Variants in SLC9C1 observed in about 807,000 individuals in gnomAD.
SLC9C1 encodes sodium/hydrogen exchanger 10.
SLC9C1 carries 97 observed loss-of-function variants against 140.9 expected under a neutral mutation model. The ratio of observed to expected loss-of-function variants is 0.69; its 90% CI spans 0.58 to 0.82. The LOEUF is 0.82. Ranked by LOEUF, SLC9C1 falls within the 40% of genes least tolerant of loss-of-function variation. The probability of loss-of-function intolerance (pLI) is 0.00; values close to 1 mark genes in which losing one functional copy is unlikely to be tolerated. For missense variants in SLC9C1, 1,340 were observed against 1,389.3 expected, an observed-to-expected ratio of 0.96 and a Z score of 0.56; for synonymous variants, 440 against 442.6, an observed-to-expected ratio of 0.99 and a Z score of 0.07.
At chr3:112,292,835 G>A (rs931515327) in intron 1 of SLC9C1, among the ~76,000 whole-genome samples, 4 of 151,402 alleles carry the variant, frequency 2.6e-5, no homozygotes, top group African/African-American at 9.7e-5. Flanking sequence ...GAGCCACCAC[G>A]CCCGGCCACA....
At chr3:112,268,793 T>C (rs2108310352) in intron 7 of SLC9C1, among the ~76,000 whole-genome samples, 1 of 152,352 alleles carries the variant, frequency 6.6e-6, no homozygotes, top group African/African-American at 2.4e-5. Context: ...ATATACACCA[T>C]TGTCTTATTC....
intron 2 of SLC9C1, among the ~76,000 whole-genome samples, chr3:112,285,073 G>A (rs552092054): frequency 8.4e-4 from 114 of 134,934 alleles, no homozygotes; most frequent in African/African-American, 3.1e-3. Context: ...TGCAAGCTCC[G>A]CCTCCTGGGT....
At chr3:112,213,599 A>G (rs1471783510) in intron 15 of SLC9C1, among the ~76,000 whole-genome samples, 2 of 152,210 alleles carry the variant, frequency 1.3e-5, no homozygotes. Flanking sequence ...GAAGATCAAA[A>G]GAGACAAAGA....
In SLC9C1 at chr3:112,218,682, A is replaced by C. The variant is rs1179709284; in HGVS notation, c.1671-1121T>G. Among the ~76,000 whole-genome samples, 3 of 152,214 alleles carry C rather than the reference A, an allele frequency of 2.0e-5. No individual in the cohort carries two copies. In the East Asian group the frequency reaches 5.8e-4, roughly 29 times the overall value. On this transcript the variant is annotated intron_variant, in intron 14 of 28. Transcript: ENST00000305815. ...AGGCTGCAGCAGACTAGTGGGATGA[A>C]ACATATAAATACCAATTGCAGTAAA... is the stretch of plus-strand genomic sequence containing the variant.
chr3:112,213,824 C>A (rs150533276), intron 15 of SLC9C1, among the ~76,000 whole-genome samples: 165 of 152,234 alleles, frequency 1.1e-3, no homozygotes, highest in African/African-American at 3.9e-3. Context: ...ACAAGGATAT[C>A]CAGGAATTGA....
intron 13 of SLC9C1, among the ~76,000 whole-genome samples, chr3:112,227,832 A>T (rs937105752): frequency 1.3e-5 from 2 of 152,164 alleles, no homozygotes; most frequent in African/African-American, 2.4e-5. Context: ...GCTACCAAAA[A>T]TACATAAGAA....
intron 21 of SLC9C1, 22 bp from the exon 22 acceptor site, chr3:112,180,684 A>T (rs745594802): frequency 4.6e-6 from 7 of 1,535,888 alleles, no homozygotes; most frequent in Non-Finnish European, 6.3e-6. Context: ...CACCAAATAC[A>T]TAAACTATAA....
At chr3:112,147,613 G>T in intron 28 of SLC9C1, 1 of 321,920 alleles carries the variant, frequency 3.1e-6, no homozygotes, top group African/African-American at 2.2e-5. Context: ...TAGATCCCCA[G>T]TCTCTCCTGG....
At chr3:112,228,114 T>G (rs1176620916) in intron 13 of SLC9C1, among the ~76,000 whole-genome samples, 1 of 152,090 alleles carries the variant, frequency 6.6e-6, no homozygotes, top group Non-Finnish European at 1.5e-5. Context: ...GGAACAAAGC[T>G]GGAGACATTA....
chr3:112,263,075 C>T lies in SLC9C1; in HGVS notation c.1046G>A (p.Ser349Asn), dbSNP rs1185828576. The change falls in exon 10 of 29, where the codon AGC becomes AAC. Residue 349 changes from serine to asparagine, a missense_variant. Ser to Asn is a conservative substitution (Grantham distance 46). Transcript: ENST00000305815. Reference protein sequence around the residue: ...VLRFLTLLLISPVLSRVGHEF... With the variant: ...VLRFLTLLLINPVLSRVGHEF... The stretch of plus-strand genomic sequence containing the variant: ...ATGACCAACTCGAGACAAAACAGGG[C>T]TTATTAAAAGAAGGGTCAGAAATCT... 6.3e-7 allele frequency: 1 copy of T among 1,576,634 alleles called. No individual in the cohort carries two copies. Among genetic ancestry groups the T allele is most frequent in the East Asian group, 2.3e-5 (1 of 43,274 alleles).
chr3:112,150,383 T>C (rs1372461243), intron 28 of SLC9C1, among the ~76,000 whole-genome samples: 1 of 152,128 alleles, frequency 6.6e-6, no homozygotes, highest in Non-Finnish European at 1.5e-5. Context: ...GGCTCTCCAG[T>C]AGAAAGATGA....
chr3:112,185,471 G>C, intron 20 of SLC9C1: 1 of 1,607,350 alleles, frequency 6.2e-7, no homozygotes, highest in Non-Finnish European at 8.5e-7. Context: ...TCCAGCGTGG[G>C]GCGCAGAGTT....
At chr3:112,171,883 T>A (rs755445689) in intron 23 of SLC9C1, among the ~76,000 whole-genome samples, 1 of 152,200 alleles carries the variant, frequency 6.6e-6, no homozygotes, top group Non-Finnish European at 1.5e-5. Context: ...TCCATTGAGA[T>A]AATTTGATCC....
chr3:112,152,986 T>G (rs190962903), intron 27 of SLC9C1, among the ~76,000 whole-genome samples: 61 of 152,282 alleles, frequency 4.0e-4, no homozygotes, highest in Non-Finnish European at 6.6e-4. Flanking sequence ...CTGATCTATC[T>G]TTCTTTCCCC....
chr3:112,199,278 T>C (rs778879287), intron 20 of SLC9C1, 43 bp downstream of exon 20: 21 of 1,434,116 alleles, frequency 1.5e-5, no homozygotes, highest in Middle Eastern at 1.9e-4. Context: ...TGAATGATTA[T>C]GTATCAAGTA....
intron 20 of SLC9C1, among the ~76,000 whole-genome samples, chr3:112,182,931 A>T (rs2077465081): frequency 6.6e-6 from 1 of 152,198 alleles, no homozygotes; most frequent in Non-Finnish European, 1.5e-5. Flanking sequence ...TGTTGCAGAA[A>T]GCAAAAATTT....
At chr3:112,257,451 A>G (rs2079640325) in intron 10 of SLC9C1, among the ~76,000 whole-genome samples, 2 of 152,198 alleles carry the variant, frequency 1.3e-5, no homozygotes, top group Non-Finnish European at 2.9e-5. Flanking sequence ...CAATAGGGAA[A>G]GGACTCCCTA....
In SLC9C1 at chr3:112,199,369, A is replaced by G. The variant is rs13098660; in HGVS notation, c.2475T>C (p.Phe825=). 1,231,057 of 1,588,274 alleles carry G rather than the reference A, an allele frequency of 0.78. 480,627 individuals are homozygous for G. The highest frequency in any genetic ancestry group is 0.99 in the East Asian group (43,865 of 44,252). ...TTTTACTAATAATTCCTTTTAAGCC[A>G]AAAGCCTTAAGAATTTCTGTAGCCA... The part of the protein sequence containing the change: ...LNMATEILKA[F]GLKGIISKTE... The change falls in exon 20 of 29, where the codon TTT becomes TTC. Residue 825 remains phenylalanine, a synonymous_variant. Transcript: ENST00000305815.
intron 13 of SLC9C1, among the ~76,000 whole-genome samples, chr3:112,228,211 C>G (rs7631223): frequency 0.23 from 34,478 of 151,862 alleles, 4,231 homozygotes; most frequent in Middle Eastern, 0.28. Context: ...GCACACAGAC[C>G]AAGAGAACAG....
Sources: allele counts gnomAD v4.1 joint callset (sites outside exome capture counted in the v4.1 genomes callset), GRCh38; gene constraint gnomAD v4.1.1; transcripts MANE v1.5; gene names NCBI Gene and HGNC (gene_info 2026-07-23, HGNC 2026-07-21).